Variants in DLC1 observed in about 807,000 individuals in gnomAD.
DLC1 encodes the protein DLC1 Rho GTPase activating protein.
A neutral mutation model predicts 140.3 loss-of-function variants in DLC1; 54 were observed. The ratio of observed to expected loss-of-function variants is 0.38; its 90% CI spans 0.31 to 0.48. The LOEUF (loss-of-function observed/expected upper bound fraction) is 0.48. Among genes scored for constraint, DLC1 ranks in the 20% least tolerant of loss-of-function variants. The pLI, the probability that DLC1 is intolerant of heterozygous loss-of-function variation, is 0.96. For missense variants in DLC1, 2,536 were observed against 1,907.0 expected (o/e 1.33, Z -6.14); for synonymous variants, 986 against 728.1 (o/e 1.35, Z -5.70).
intron 5 of DLC1, among the ~76,000 whole-genome samples, chr8:13,182,339 T>A (rs926487524): frequency 6.6e-6 from 1 of 152,178 alleles, no homozygotes; most frequent in Non-Finnish European, 1.5e-5. Context: ...ATCCCATTTG[T>A]CTATTTTGGC....
chr8:13,370,903 G>C (rs1021482705), intron 4 of DLC1, among the ~76,000 whole-genome samples: 1 of 152,208 alleles, frequency 6.6e-6, no homozygotes, highest in Non-Finnish European at 1.5e-5. Context: ...CCACAACACA[G>C]CCACACAGTC....
At chr8:13,501,686 G>A (rs1021678797) in intron 1 of DLC1, among the ~76,000 whole-genome samples, 1 of 152,140 alleles carries the variant, frequency 6.6e-6, no homozygotes, top group Non-Finnish European at 1.5e-5. Flanking sequence ...TAGTATCCCA[G>A]CCTGACCAAG....
chr8:13,210,057 G>T (rs1421679144), intron 5 of DLC1, among the ~76,000 whole-genome samples: 1 of 152,132 alleles, frequency 6.6e-6, no homozygotes. Context: ...TTGGTGTGGG[G>T]TAGGGAGGTA....
intron 1 of DLC1, among the ~76,000 whole-genome samples, chr8:13,539,774 G>A (rs56198486): frequency 6.9e-5 from 10 of 144,252 alleles, no homozygotes; most frequent in South Asian, 2.2e-4. Context: ...GTGTGTGTGT[G>A]TGTACATTTT....
At chr8:13,359,833 T>C (rs1008794796) in intron 4 of DLC1, among the ~76,000 whole-genome samples, 1 of 152,344 alleles carries the variant, frequency 6.6e-6, no homozygotes, top group Admixed American at 6.5e-5. Flanking sequence ...ATTGTAACTT[T>C]GAACAGGTTG....
chr8:13,519,499 T>C (rs1802701329), upstream of DLC1, among the ~76,000 whole-genome samples: 1 of 152,160 alleles, frequency 6.6e-6, no homozygotes, highest in South Asian at 2.1e-4. Context: ...AATTTGTAGT[T>C]TATATTCAAT....
chr8:13,476,029 T>A (rs1363995012), intron 2 of DLC1, among the ~76,000 whole-genome samples: 3 of 152,192 alleles, frequency 2.0e-5, no homozygotes, highest in Non-Finnish European at 4.4e-5. Context: ...TCTTAGGGCA[T>A]AGGAGAAGTA....
intron 5 of DLC1, among the ~76,000 whole-genome samples, chr8:13,290,784 G>T (rs573698014): frequency 1.6e-4 from 25 of 152,310 alleles, no homozygotes; most frequent in African/African-American, 6.0e-4. Flanking sequence ...AACAATATTA[G>T]CAGAAACACT....
intron 5 of DLC1, among the ~76,000 whole-genome samples, chr8:13,192,185 A>T (rs1168431952): frequency 6.6e-6 from 1 of 151,928 alleles, no homozygotes; most frequent in Non-Finnish European, 1.5e-5. Context: ...TCCTGACCTC[A>T]GGTGATCTGC....
intron 1 of DLC1, among the ~76,000 whole-genome samples, chr8:13,521,371 C>G (rs980202585): frequency 1.3e-5 from 2 of 151,622 alleles, no homozygotes; most frequent in African/African-American, 2.4e-5. Flanking sequence ...ATGTAACAAA[C>G]CTACACATTC....
intron 1 of DLC1, among the ~76,000 whole-genome samples, chr8:13,539,605 G>A (rs145761021): frequency 2.0e-5 from 3 of 152,172 alleles, no homozygotes; most frequent in Non-Finnish European, 4.4e-5. Context: ...GAGGCCAGGA[G>A]CTTCTGTCCC....
At chr8:13,408,689 C>T (rs887676893) in intron 2 of DLC1, among the ~76,000 whole-genome samples, 24 of 152,140 alleles carry the variant, frequency 1.6e-4, no homozygotes, top group African/African-American at 5.8e-4. Flanking sequence ...GATTGGCACT[C>T]AGGTCACTAA....
chr8:13,587,338 T>G (rs1207953594), intron 1 of DLC1, among the ~76,000 whole-genome samples: 4 of 151,944 alleles, frequency 2.6e-5, no homozygotes, highest in Admixed American at 2.0e-4. Context: ...AACATATGTC[T>G]ATTTTCACCT....
At chr8:13,134,401 C>T (rs563287104) in intron 5 of DLC1, among the ~76,000 whole-genome samples, 1 of 152,246 alleles carries the variant, frequency 6.6e-6, no homozygotes, top group South Asian at 2.1e-4. Context: ...ACAAATATCC[C>T]TTCCCTCCTG....
At chr8:13,365,874 C>T (rs1298999466) in intron 4 of DLC1, among the ~76,000 whole-genome samples, 2 of 152,116 alleles carry the variant, frequency 1.3e-5, no homozygotes, top group Non-Finnish European at 2.9e-5. Context: ...TGAGAGGCAC[C>T]TAAGTGACCC....
chr8:13,162,853 G>A (rs148528674), intron 5 of DLC1, among the ~76,000 whole-genome samples: 1,661 of 152,256 alleles, frequency 0.011, 18 homozygotes, highest in South Asian at 0.04. Flanking sequence ...AGGATCTCTT[G>A]AGCCCAGGAG....
intron 1 of DLC1, among the ~76,000 whole-genome samples, chr8:13,590,431 C>G (rs151199935): frequency 6.6e-6 from 1 of 152,088 alleles, no homozygotes; most frequent in African/African-American, 2.4e-5. Context: ...TCAATATTCT[C>G]ATAATTACAG....
At chr8:13,482,436 G>A (rs1800780585) in intron 2 of DLC1, among the ~76,000 whole-genome samples, 1 of 151,958 alleles carries the variant, frequency 6.6e-6, no homozygotes, top group Non-Finnish European at 1.5e-5. Flanking sequence ...TTGATGAATA[G>A]AGCAATGCTG....
At chr8:13,361,063 T>C (rs968210592) in intron 4 of DLC1, among the ~76,000 whole-genome samples, 8 of 152,176 alleles carry the variant, frequency 5.3e-5, no homozygotes, top group Non-Finnish European at 1.0e-4. Context: ...AAACCCTGTC[T>C]CTACAAAAAC....
Sources: gnomAD v4.1 joint callset for allele counts (sites outside exome capture counted in the v4.1 genomes callset) on GRCh38, gnomAD v4.1.1 for gene constraint, MANE v1.5 for transcripts, NCBI Gene and HGNC (gene_info 2026-07-23, HGNC 2026-07-21) for gene names.